Variants in KIF9 observed in about 807,000 individuals in gnomAD.
KIF9 encodes kinesin-like protein KIF9.
In KIF9, 68 loss-of-function variants were observed where a neutral mutation model predicts 94.8. That is an observed-to-expected ratio of 0.72 (90% confidence interval 0.59 to 0.88). KIF9 has a LOEUF of 0.88. KIF9 is among the 40% of genes least tolerant of loss of function. The pLI is 0.00. For missense variants in KIF9, 882 were observed against 982.5 expected, an observed-to-expected ratio of 0.90 and a Z score of 1.37; for synonymous variants, 343 against 362.1, an observed-to-expected ratio of 0.95 and a Z score of 0.60.
chr3:47,276,073 T>C (rs1441901211), intron 2 of KIF9, among the ~76,000 whole-genome samples: 2 of 152,198 alleles, frequency 1.3e-5, no homozygotes, highest in African/African-American at 4.8e-5. Flanking sequence ...AGCAGATTTT[T>C]AGATGCATGC....
chr3:47,280,846 T>A, intron 1 of KIF9: 2 of 697,312 alleles, frequency 2.9e-6, no homozygotes, highest in Non-Finnish European at 5.2e-6. Context: ...AGGAGCCATA[T>A]CCACCTGCAA....
intron 20 of KIF9, among the ~76,000 whole-genome samples, chr3:47,233,235 T>C (rs1698742293): frequency 2.0e-5 from 3 of 149,732 alleles, no homozygotes. Flanking sequence ...TGGTTGCGGG[T>C]GCCTGTAGTC....
intron 17 of KIF9, among the ~76,000 whole-genome samples, chr3:47,237,048 C>T (rs1003083562): frequency 6.0e-4 from 92 of 152,340 alleles, no homozygotes; most frequent in African/African-American, 2.1e-3. Context: ...TTAATAACAG[C>T]AGATGTTCAA....
intron 20 of KIF9, among the ~76,000 whole-genome samples, chr3:47,234,666 T>C (rs1224838117): frequency 6.6e-6 from 1 of 151,244 alleles, no homozygotes; most frequent in Non-Finnish European, 1.5e-5. Context: ...GCGATTCTCC[T>C]GCCTCAGCCT....
At chr3:47,273,704 A>G (rs1034883085) in intron 3 of KIF9, 46 bp from the exon 4 acceptor site, 1 of 1,518,926 alleles carries the variant, frequency 6.6e-7, no homozygotes, top group Non-Finnish European at 9.0e-7. Context: ...AATAGCTCCA[A>G]GGATAACTCT....
Position 47,244,886 on chromosome 3 carries a change from C to G in KIF9, c.1419G>C (p.Glu473Asp). 6.2e-7 allele frequency: 1 copy of G among 1,614,182 alleles called. No homozygotes were observed. Among genetic ancestry groups the G allele is most frequent in the African/African-American group, 1.3e-5 (1 of 75,052 alleles). Residue 473 changes from glutamate (E) to aspartate (D), a missense_variant, in exon 15 of 21, where the codon GAG becomes GAC. Physicochemically the swap from Glu to Asp is conservative, Grantham distance 45 (BLOSUM62 2). Transcript: ENST00000684063. The part of the protein sequence containing the change: ...LVDVDGHLVG[E>D]PEGQNFGLGV... ...CGAGTCCAAAGTTTTGTCCTTCAGG[C>G]TCACCCACTAGGTGGCCATCAACAT...
At chr3:47,277,230 C>T in intron 2 of KIF9, 52 bp downstream of exon 2, 5 of 1,327,244 alleles carry the variant, frequency 3.8e-6, no homozygotes, top group Non-Finnish European at 5.4e-6. Context: ...CACACTATAG[C>T]AAGGTGGGAC....
At chr3:47,249,848 A>G (rs1700156977) in intron 10 of KIF9, among the ~76,000 whole-genome samples, 1 of 152,220 alleles carries the variant, frequency 6.6e-6, no homozygotes, top group African/African-American at 2.4e-5. Context: ...ATCTGAGGTC[A>G]GGAGTTCGAG....
At chr3:47,262,639 C>G (rs1026630802) in intron 9 of KIF9, among the ~76,000 whole-genome samples, 11 of 152,152 alleles carry the variant, frequency 7.2e-5, no homozygotes, top group African/African-American at 2.7e-4. Flanking sequence ...ATGCTGCCTG[C>G]ACGTCAGCTG....
Position 47,271,245 on chromosome 3 carries a change from G to C in KIF9, c.583C>G (p.Leu195Val). 6.2e-7 allele frequency: 1 copy of C among 1,611,824 alleles called. No individual in the cohort carries two copies. The highest frequency in any genetic ancestry group is 8.5e-7 in the Non-Finnish European group (1 of 1,178,284). The change falls in exon 5 of 21, where the codon CTT becomes GTT. Residue 195 changes from leucine to valine, a missense_variant. Transcript: ENST00000684063. Reference sequence around the variant, plus strand: ...AGGTTTTATTATCTCACCTCAAAAAGGAGGCTGAATGCATCCTCCTCCTGA... The same window carrying C: ...AGGTTTTATTATCTCACCTCAAAAACGAGGCTGAATGCATCCTCCTCCTGA... ...TSQEEDAFSL[L>V]FEGETNRIIA...
At chr3:47,235,066 C>T (rs749586085) in intron 20 of KIF9, among the ~76,000 whole-genome samples, 1 of 152,194 alleles carries the variant, frequency 6.6e-6, no homozygotes, top group South Asian at 2.1e-4. Flanking sequence ...CCAGACAAGG[C>T]CTTAGTAGAA....
intron 20 of KIF9, among the ~76,000 whole-genome samples, chr3:47,229,347 G>A (rs545063502): frequency 6.6e-6 from 1 of 152,320 alleles, no homozygotes; most frequent in East Asian, 1.9e-4. Context: ...AACCTTTTCA[G>A]GGGGAAAATA....
At chr3:47,257,088 CCT>C (rs1700665201) in intron 10 of KIF9, among the ~76,000 whole-genome samples, 1 of 152,036 alleles carries the variant, frequency 6.6e-6, no homozygotes, top group Non-Finnish European at 1.5e-5. Context: ...CCACTATGGT[CCT>C]ATGACCCTGC....
In KIF9 at chr3:47,263,505, TTTC is replaced by T. The variant is rs1701108458; in HGVS notation, c.981+778_981+780del. On this transcript the variant is annotated intron_variant, in intron 9 of 20. Transcript: ENST00000684063. The stretch of plus-strand genomic sequence containing the variant: ...AGCCGATTCAGCCCCTGTGATTTCT[TTTC>T]TTCTTCTTGCTGAGAGCCCCCACCC... 7 of 198,168 alleles carry T rather than the reference TTTC, an allele frequency of 3.5e-5. No homozygotes were observed. In the South Asian group the frequency reaches 4.0e-4, roughly 11 times the overall value. 12.3% of individuals were successfully genotyped at this position (198,168 alleles called of 1,614,324 possible). A position where few individuals can be genotyped will look rare whatever the true frequency, so the allele number is the denominator to read the frequency against.
chr3:47,280,775 A>G (rs923133583), intron 1 of KIF9, among the ~76,000 whole-genome samples: 1 of 152,156 alleles, frequency 6.6e-6, no homozygotes, highest in Non-Finnish European at 1.5e-5. Context: ...ATGCACACGC[A>G]GTCACCCCAT....
At chr3:47,269,485 T>C (rs574951229) in intron 5 of KIF9, among the ~76,000 whole-genome samples, 5 of 152,334 alleles carry the variant, frequency 3.3e-5, no homozygotes, top group African/African-American at 9.6e-5. Context: ...TTTCACTGTG[T>C]TGCCCAGGCT....
chr3:47,273,691 GA>G, intron 3 of KIF9, 33 bp from the exon 4 acceptor site: 1 of 1,569,248 alleles, frequency 6.4e-7, no homozygotes, highest in Non-Finnish European at 8.7e-7. Context: ...TGACATCCAG[GA>G]AAATAGCTCC....
chr3:47,237,402 A>G (rs1017419746), intron 17 of KIF9, among the ~76,000 whole-genome samples: 20 of 152,162 alleles, frequency 1.3e-4, no homozygotes, highest in African/African-American at 4.3e-4. Flanking sequence ...CTCACCAGCT[A>G]CCTTCTTGTT....
chr3:47,246,959 G>C (rs1001114585), intron 12 of KIF9, among the ~76,000 whole-genome samples: 1 of 152,148 alleles, frequency 6.6e-6, no homozygotes, highest in Non-Finnish European at 1.5e-5. Flanking sequence ...ACTCCAACAT[G>C]GGCCCTGGGG....
Sources: gnomAD v4.1 joint callset for allele counts (sites outside exome capture counted in the v4.1 genomes callset) on GRCh38, gnomAD v4.1.1 for gene constraint, MANE v1.5 for transcripts, NCBI Gene and HGNC (gene_info 2026-07-23, HGNC 2026-07-21) for gene names.